Variants in SYBU observed in about 807,000 individuals in gnomAD.
SYBU encodes syntabulin.
Under a neutral mutation model 35.9 loss-of-function variants are expected in SYBU, and 21 were observed. The observed-to-expected ratio is 0.58, with a 90% CI of 0.41 to 0.84. SYBU has a LOEUF of 0.84. Among genes scored for constraint, SYBU ranks in the 40% least tolerant of loss-of-function variants. The pLI, the probability that SYBU is intolerant of heterozygous loss-of-function variation, is 0.00. For synonymous variants in SYBU, 319 were observed against 324.3 expected, an observed-to-expected ratio of 0.98 and a Z score of 0.18; for missense variants, 768 against 848.2, an observed-to-expected ratio of 0.91 and a Z score of 1.17.
intron 3 of SYBU, among the ~76,000 whole-genome samples, chr8:109,617,731 A>C (rs1811970323): frequency 6.6e-6 from 1 of 152,206 alleles, no homozygotes; most frequent in South Asian, 2.1e-4. Flanking sequence ...GTGGGAGACT[A>C]TTAACGAATT....
Position 109,575,141 on chromosome 8 carries a change from C to T in SYBU, c.1757G>A (p.Arg586Lys), listed in dbSNP as rs771889648. 2 of 1,614,210 alleles carry T rather than the reference C, an allele frequency of 1.2e-6. No homozygotes were observed. The highest frequency in any genetic ancestry group is 1.7e-5 in the Admixed American group (1 of 60,028). ...ELDFAACVEE[R>K]LDGVIPLARG... is the part of the protein sequence containing the mutation. ...AGCCAGTGGGATGACACCATCCAAC[C>T]TCTCTTCCACGCAGGCTGCAAAATC... Residue 586 changes from arginine (R) to lysine (K), a missense_variant, in exon 7 of 7, where the codon AGG (arginine) becomes AAG (lysine). By Grantham distance (26) the Arg-to-Lys change is conservative. Coordinates refer to ENST00000276646, the MANE Select transcript of SYBU (RefSeq NM_001099754.2).
chr8:109,588,909 C>T (rs1823919067), intron 3 of SYBU, among the ~76,000 whole-genome samples: 1 of 152,166 alleles, frequency 6.6e-6, no homozygotes, highest in Non-Finnish European at 1.5e-5. Context: ...CTTGTAATCC[C>T]AGCACTTTGG....
rs1822156334 is a variant in SYBU at position 109,575,500 on chromosome 8, G to A, written c.1398C>T (p.Asn466=). 5 of 1,614,118 alleles carry A rather than the reference G, an allele frequency of 3.1e-6. No individual in the cohort carries two copies. The highest frequency in any genetic ancestry group is 4.2e-6 in the Non-Finnish European group (5 of 1,180,020). The change falls in exon 7 of 7, where the codon AAC becomes AAT. Residue 466 remains asparagine (N), a synonymous_variant. Coordinates refer to ENST00000276646, the MANE Select transcript of SYBU (RefSeq NM_001099754.2). ...TGACTATGGGCAGCAGCTCCAGGACGTTAGCCCCAGGGGTGGAATGCACAA... is the reference window on the plus strand; with the variant it reads ...TGACTATGGGCAGCAGCTCCAGGACATTAGCCCCAGGGGTGGAATGCACAA... ...LELVHSTPGA[N]VLELLPIVMG...
chr8:109,663,321 T>A (rs1816640692), intron 1 of SYBU, among the ~76,000 whole-genome samples: 1 of 151,506 alleles, frequency 6.6e-6, no homozygotes, highest in South Asian at 2.1e-4. Context: ...ACCAATAGAA[T>A]AAAGGCAGCA....
intron 1 of SYBU, among the ~76,000 whole-genome samples, chr8:109,675,244 G>A (rs1479925397): frequency 1.3e-5 from 2 of 152,100 alleles, no homozygotes; most frequent in African/African-American, 2.4e-5. Context: ...AGGAGCAAGA[G>A]CAAACAAATT....
At chr8:109,669,350 A>G (rs1407999928) in intron 1 of SYBU, among the ~76,000 whole-genome samples, 6 of 150,220 alleles carry the variant, frequency 4.0e-5, no homozygotes, top group East Asian at 2.0e-4. Context: ...AAAAAAAAAA[A>G]AAAAAAAAAA....
At chr8:109,630,856 G>C (rs970309100) in intron 2 of SYBU, among the ~76,000 whole-genome samples, 1 of 152,182 alleles carries the variant, frequency 6.6e-6, no homozygotes, top group African/African-American at 2.4e-5. Context: ...GTGAGACATT[G>C]AAAGACACAG....
At chr8:109,622,191 AT>A (rs1812481342) in intron 2 of SYBU, among the ~76,000 whole-genome samples, 6 of 138,326 alleles carry the variant, frequency 4.3e-5, no homozygotes, top group African/African-American at 1.9e-4. Flanking sequence ...GTATCTATCT[AT>A]CTATCTATCT....
At chr8:109,667,354 G>A (rs1321919379) in intron 1 of SYBU, among the ~76,000 whole-genome samples, 5 of 151,928 alleles carry the variant, frequency 3.3e-5, no homozygotes, top group African/African-American at 9.7e-5. Context: ...CTCGTGATCC[G>A]CCCACCTCGG....
chr8:109,620,610 G>A (rs1159176795), intron 2 of SYBU, among the ~76,000 whole-genome samples: 4 of 152,098 alleles, frequency 2.6e-5, no homozygotes, highest in Admixed American at 6.5e-5. Context: ...ATCAGCATAC[G>A]CAGGACCTCT....
rs1389600172 is a variant in SYBU at position 109,644,668 on chromosome 8, T to C, written c.-9A>G. The C allele has an allele frequency of 1.3e-6, 2 of 1,518,350 alleles. No homozygotes were observed. Among genetic ancestry groups the C allele is most frequent in the Non-Finnish European group, 1.8e-6 (2 of 1,140,192 alleles). The allele number at this position is 1,518,350 out of a possible 1,614,324, so 94.1% of individuals were successfully genotyped here. Reference sequence around the variant, plus strand: ...TCGCGGAGGGGCCCCATCGCGCCGCTGCCCGCCGGCTCCTCGCGCCGCCGC... The same window carrying C: ...TCGCGGAGGGGCCCCATCGCGCCGCCGCCCGCCGGCTCCTCGCGCCGCCGC... On this transcript the variant is annotated 5_prime_UTR_variant, in exon 1 of 7. Transcript: ENST00000276646.
intron 2 of SYBU, among the ~76,000 whole-genome samples, chr8:109,623,861 A>G (rs1402668888): frequency 6.6e-6 from 1 of 152,176 alleles, no homozygotes; most frequent in Non-Finnish European, 1.5e-5. Context: ...GAAGAGTATA[A>G]AGAAGTAAAG....
chr8:109,622,948 G>A (rs555001647), intron 2 of SYBU, among the ~76,000 whole-genome samples: 10 of 152,236 alleles, frequency 6.6e-5, no homozygotes, highest in Admixed American at 2.0e-4. Context: ...GAAGCTTTGC[G>A]CCAAGGTTTT....
At chr8:109,620,740 AG>A (rs1017450725) in intron 2 of SYBU, among the ~76,000 whole-genome samples, 16 of 152,194 alleles carry the variant, frequency 1.1e-4, no homozygotes, top group Admixed American at 3.3e-4. Context: ...CCTGAATAAC[AG>A]GGTGATGAGA....
At position 109,602,429 on chromosome 8, in the gene SYBU, ATT is replaced by A. The variant is rs751669435; in HGVS notation, c.428-16269_428-16268del. 3.0e-3 allele frequency among the ~76,000 whole-genome samples: 403 copies of A among 132,592 alleles called. 3 individuals are homozygous for A. The highest frequency in any genetic ancestry group is 8.6e-3 in the African/African-American group (298 of 34,598). The allele number at this position is 132,592 out of a possible 152,430, so 87.0% of individuals were successfully genotyped here. Reference sequence around the variant, plus strand: ...CAATACTAGATTTAACCTCTGTGTAATTTTTTTTTTTTTTTTTTTTTGAGACA... The same window carrying A: ...CAATACTAGATTTAACCTCTGTGTAATTTTTTTTTTTTTTTTTTTGAGACA... On this transcript the variant is annotated intron_variant, in intron 3 of 6. Transcript: ENST00000276646.
intron 3 of SYBU, among the ~76,000 whole-genome samples, chr8:109,615,404 T>G (rs1811622877): frequency 1.3e-5 from 2 of 152,170 alleles, no homozygotes. Flanking sequence ...CTATAAATTT[T>G]AGAGTCATCC....
At chr8:109,579,031 C>T (rs948540824) in intron 5 of SYBU, among the ~76,000 whole-genome samples, 1 of 152,146 alleles carries the variant, frequency 6.6e-6, no homozygotes, top group African/African-American at 2.4e-5. Flanking sequence ...CTGGGAATCC[C>T]TGCTGTAAGA....
At chr8:109,623,433 C>T (rs907728062) in intron 2 of SYBU, among the ~76,000 whole-genome samples, 1 of 152,116 alleles carries the variant, frequency 6.6e-6, no homozygotes, top group Non-Finnish European at 1.5e-5. Flanking sequence ...CTCACAGATC[C>T]AGGAACCTCA....
intron 3 of SYBU, chr8:109,607,877 TA>T: frequency 9.2e-7 from 1 of 1,086,018 alleles, no homozygotes; most frequent in Non-Finnish European, 1.4e-6. Context: ...TGATCCAATA[TA>T]ATTATTTACT....
Sources: gnomAD v4.1 joint callset for allele counts (sites outside exome capture counted in the v4.1 genomes callset) on GRCh38, gnomAD v4.1.1 for gene constraint, MANE v1.5 for transcripts, NCBI Gene and HGNC (gene_info 2026-07-23, HGNC 2026-07-21) for gene names.